The following SH2D3A variants were observed in gnomAD, a reference collection of about 807,000 sequenced individuals.
SH2D3A encodes the protein SH2 domain-containing protein 3A.
Under a neutral mutation model 50.6 loss-of-function variants are expected in SH2D3A, and 46 were observed. The ratio of observed to expected loss-of-function variants is 0.91; its 90% confidence interval spans 0.72 to 1.16. The LOEUF (loss-of-function observed/expected upper bound fraction) is 1.16, where lower values mean the gene tolerates loss of function less well. Among genes scored for constraint, SH2D3A ranks in the 50% most tolerant of loss-of-function variants. The pLI is 0.00. For missense variants in SH2D3A, 783 were observed against 786.2 expected, an observed-to-expected ratio of 1.00 and a Z score of 0.05; for synonymous variants, 377 against 348.4, an observed-to-expected ratio of 1.08 and a Z score of -0.91.
In SH2D3A at chr19:6,760,896, C is replaced by G. The variant is rs146265436; in HGVS notation, c.161G>C (p.Arg54Pro). 3 of 1,614,096 alleles carry G rather than the reference C, an allele frequency of 1.9e-6. No individual in the cohort carries two copies. The highest frequency in any genetic ancestry group is 3.3e-5 in the Admixed American group (2 of 59,996). ...CACCTCAAAATGGAGGGCTGAGCCC[C>G]GCCAGCGGCAGGAGATCACGGGGTT... The part of the protein sequence containing the change: ...GGNPVISCRW[R>P]GSALHFEVFR... Residue 54 changes from arginine to proline, a missense_variant, in exon 3 of 10, where the codon CGG (arginine) becomes CCG (proline). Physicochemically the swap from Arg to Pro is moderately radical, Grantham distance 103. Transcript: ENST00000245908.
chr19:6,754,289 C>T lies in SH2D3A; in HGVS notation c.1234G>A (p.Gly412Arg), dbSNP rs1395644956. Residue 412 changes from glycine (G) to arginine (R), a missense_variant, in exon 7 of 10, where the codon GGG (glycine) becomes AGG (arginine). Coordinates refer to ENST00000245908, the MANE Select transcript of SH2D3A (RefSeq NM_005490.3). ...AGGGCGCCCATGACTGCAGCCAGCC[C>T]GGGCAGGTCCCCCGCCGCCCCTGGC... Reference protein sequence around the residue: ...LRPGAAGDLPGLAAVMGALLM... With the variant: ...LRPGAAGDLPRLAAVMGALLM... 3 of 1,584,728 alleles carry T rather than the reference C, an allele frequency of 1.9e-6. No homozygotes were observed. Among genetic ancestry groups the T allele is most frequent in the African/African-American group, 1.3e-5 (1 of 74,772 alleles).
chr19:6,752,869 G>C (rs1367873543), intron 9 of SH2D3A, 116 bp from the exon 10 acceptor site: 3 of 1,412,726 alleles, frequency 2.1e-6, no homozygotes, highest in East Asian at 5.1e-5. Flanking sequence ...GCCCGGGAGG[G>C]ACCTGCCCCA....
rs143346036 is a variant in SH2D3A, at chr19:6,761,253, G to A, written c.70-266C>T. ...TGGGATGTGGGGTAGAAGGGCTATGGGAAATATCCAGACCTGGCGCATAAA... is the reference window on the plus strand; with the variant it reads ...TGGGATGTGGGGTAGAAGGGCTATGAGAAATATCCAGACCTGGCGCATAAA... On this transcript the variant is annotated intron_variant, in intron 2 of 9. Coordinates refer to ENST00000245908, the MANE Select transcript of SH2D3A (RefSeq NM_005490.3). The A allele has an allele frequency of 1.1e-3, 492 of 452,646 alleles. 1 individual carries two copies. The highest frequency in any genetic ancestry group is 9.0e-3 in the African/African-American group (456 of 50,500). The allele number at this position is 452,646 out of a possible 1,614,324, so 28.0% of individuals were successfully genotyped here.
In SH2D3A at chr19:6,760,850, G is replaced by T. The variant is rs200497909; in HGVS notation, c.207C>A (p.Pro69=). 1.2e-6 allele frequency: 2 copies of T among 1,614,250 alleles called. No individual in the cohort carries two copies. The highest frequency in any genetic ancestry group is 1.7e-6 in the Non-Finnish European group (2 of 1,180,050). ...HFEVFRVALR[P]RPGRPTALFQ... is the part of the protein sequence containing the mutation. ...AGAGGGCTGTGGGTCGGCCTGGCCG[G>T]GGACGCAGGGCCACACGGAACACCT... The change falls in exon 3 of 10, where the codon CCC becomes CCA. Residue 69 remains proline (P), a synonymous_variant. Transcript: ENST00000245908.
Position 6,753,374 on chromosome 19 carries a change from G to A in SH2D3A, c.1570+82C>T, listed in dbSNP as rs943045508. ...AGGCGTGGCGAGAGGCTCCCCTCCT[G>A]GGACAGGCTGGGTTTGGGGGATCCG... On this transcript the variant is annotated intron_variant, in intron 9 of 9. Transcript: ENST00000245908. 2.1e-6 allele frequency: 3 copies of A among 1,406,392 alleles called. No individual in the cohort carries two copies. In the Admixed American group the frequency reaches 9.6e-5, roughly 45 times the overall value. 87.1% of individuals were successfully genotyped at this position (1,406,392 alleles called of 1,614,324 possible).
intron 4 of SH2D3A, chr19:6,757,665 T>C (rs1298888887): frequency 6.6e-6 from 1 of 152,228 alleles, no homozygotes; most frequent in African/African-American, 2.4e-5. Flanking sequence ...AATTGCTTGC[T>C]TGGGTACAAT....
chr19:6,761,317 G>A (rs1241420306), intron 2 of SH2D3A, among the ~76,000 whole-genome samples: 2 of 152,188 alleles, frequency 1.3e-5, no homozygotes, highest in Non-Finnish European at 2.9e-5. Context: ...TCCCCTGTCT[G>A]TCAGCTGATA....
In SH2D3A at chr19:6,753,957, A is replaced by T. The variant is rs1264449322; in HGVS notation, c.1384+95T>A. On this transcript the variant is annotated intron_variant, in intron 8 of 9. Coordinates refer to ENST00000245908, the MANE Select transcript of SH2D3A (RefSeq NM_005490.3). Reference sequence around the variant, plus strand: ...GGCCTATGGTGAAGGGACCGGGCCTAGAACAGATGCAGGGACTGGGCATAG... The same window carrying T: ...GGCCTATGGTGAAGGGACCGGGCCTTGAACAGATGCAGGGACTGGGCATAG... 1.3e-5 allele frequency: 18 copies of T among 1,407,522 alleles called. No homozygotes were observed. In the East Asian group the frequency reaches 4.2e-4, roughly 33 times the overall value. 87.2% of individuals were successfully genotyped at this position (1,407,522 alleles called of 1,614,324 possible). A position where few individuals can be genotyped will look rare whatever the true frequency, so the allele number is the denominator to read the frequency against.
chr19:6,765,658 G>T (rs1970266047), intron 1 of SH2D3A, among the ~76,000 whole-genome samples: 1 of 146,702 alleles, frequency 6.8e-6, no homozygotes, highest in African/African-American at 2.6e-5. Context: ...TGAGGAGAGA[G>T]AATCGCTTGA....
At chr19:6,755,535 C>A (rs377448816) in intron 4 of SH2D3A, among the ~76,000 whole-genome samples, 1 of 151,796 alleles carries the variant, frequency 6.6e-6, no homozygotes, top group South Asian at 2.1e-4. Flanking sequence ...CTCTATAGTT[C>A]TGTAAATTAT....
intron 2 of SH2D3A, among the ~76,000 whole-genome samples, chr19:6,762,180 C>T (rs994403394): frequency 2.0e-5 from 3 of 151,722 alleles, no homozygotes; most frequent in Non-Finnish European, 2.9e-5. Flanking sequence ...ATTATTATAC[C>T]TTTTTTTGTT....
intron 2 of SH2D3A, among the ~76,000 whole-genome samples, chr19:6,763,207 G>T (rs1970122668): frequency 6.6e-6 from 1 of 152,102 alleles, no homozygotes; most frequent in Non-Finnish European, 1.5e-5. Flanking sequence ...GAGACTACAG[G>T]CGCATACCAC....
In SH2D3A at chr19:6,754,862, G is replaced by A. The variant is rs770214003; in HGVS notation, c.950C>T (p.Thr317Ile). 6.9e-6 allele frequency: 11 copies of A among 1,598,508 alleles called. No homozygotes were observed. Among genetic ancestry groups the A allele is most frequent in the South Asian group, 1.1e-5 (1 of 88,470 alleles). Residue 317 changes from threonine (T) to isoleucine (I), a missense_variant, in exon 5 of 10, where the codon ACC (threonine) becomes ATC (isoleucine). Coordinates refer to ENST00000245908, the MANE Select transcript of SH2D3A (RefSeq NM_005490.3). Reference sequence around the variant, plus strand: ...GTCTACCAATAGCAGGTGAAGGGCGGTGCTCCCAGGATGGTGCTCCAGGAA... The same window carrying A: ...GTCTACCAATAGCAGGTGAAGGGCGATGCTCCCAGGATGGTGCTCCAGGAA... ...GLFLEHHPGS[T>I]ALHLLLVDCQ... is the part of the protein sequence containing the mutation.
intron 2 of SH2D3A, among the ~76,000 whole-genome samples, chr19:6,763,316 G>A (rs1436406868): frequency 6.6e-6 from 1 of 151,780 alleles, no homozygotes; most frequent in African/African-American, 2.4e-5. Flanking sequence ...CGCCCACCTC[G>A]GCCTTTCAAA....
intron 4 of SH2D3A, chr19:6,759,332 C>G: frequency 3.0e-6 from 1 of 331,158 alleles, no homozygotes; most frequent in Non-Finnish European, 5.7e-6. Context: ...AGGCTGGTCT[C>G]GAATTCCTGA....
rs752972612 is a variant in SH2D3A, at chr19:6,754,377, C to T, written c.1146G>A (p.Ser382=). The T allele has an allele frequency of 2.2e-5, 34 of 1,554,076 alleles. No individual in the cohort carries two copies. Among genetic ancestry groups the T allele is most frequent in the South Asian group, 1.9e-4 (16 of 84,182 alleles). The stretch of plus-strand genomic sequence containing the variant: ...CGGCTGCGCGCTCCTCCAGCGGCCC[C>T]GAGCAGCCCAGCACCGCCAGCGCCC... ...LAGALAVLGC[S]GPLEERAAAL... Residue 382 remains serine (S), a synonymous_variant, in exon 7 of 10, where the codon TCG becomes TCA. Coordinates refer to ENST00000245908, the MANE Select transcript of SH2D3A (RefSeq NM_005490.3).
Position 6,752,884 on chromosome 19 carries a change from C to T in SH2D3A, c.1571-131G>A, listed in dbSNP as rs1011715156. On this transcript the variant is annotated intron_variant, in intron 9 of 9. Coordinates refer to ENST00000245908, the MANE Select transcript of SH2D3A (RefSeq NM_005490.3). ...GCCCGGGAGGGACCTGCCCCACCTG[C>T]GGGATGACTAGGCGGGGTCAGAGGG... The T allele has an allele frequency of 5.0e-6, 7 of 1,388,552 alleles. No individual in the cohort carries two copies. The South Asian group carries it at 8.2e-5, about 16-fold the overall frequency. 86.0% of individuals were successfully genotyped at this position (1,388,552 alleles called of 1,614,324 possible).
chr19:6,753,170 G>C, intron 9 of SH2D3A: 2 of 985,282 alleles, frequency 2.0e-6, no homozygotes, highest in Non-Finnish European at 2.4e-6. Flanking sequence ...AGATCCCTGG[G>C]GGACGGGATC....
chr19:6,757,603 T>G (rs1429033831), intron 4 of SH2D3A: 1 of 152,292 alleles, frequency 6.6e-6, no homozygotes, highest in African/African-American at 2.4e-5. Context: ...CTCCCTCATT[T>G]CCTTCAATTT....
Sources: gnomAD v4.1 joint callset for allele counts (sites outside exome capture counted in the v4.1 genomes callset) on GRCh38, gnomAD v4.1.1 for gene constraint, MANE v1.5 for transcripts, NCBI Gene and HGNC (gene_info 2026-07-23, HGNC 2026-07-21) for gene names.